Variants in DLC1 observed in about 807,000 individuals in gnomAD.
DLC1 encodes rho GTPase-activating protein 7.
Under a neutral mutation model 140.3 loss-of-function variants are expected in DLC1, and 54 were observed. The observed-to-expected ratio is 0.38, with a 90% CI of 0.31 to 0.48. The LOEUF is 0.48. DLC1 is among the 20% of genes least tolerant of loss of function. The pLI is 0.96. For missense variants in DLC1, 2,536 were observed against 1,907.0 expected, an observed-to-expected ratio of 1.33 and a Z score of -6.14; for synonymous variants, 986 against 728.1, an observed-to-expected ratio of 1.35 and a Z score of -5.70.
intron 1 of DLC1, among the ~76,000 whole-genome samples, chr8:13,546,352 G>A (rs992431550): frequency 6.6e-6 from 1 of 151,934 alleles, no homozygotes; most frequent in East Asian, 1.9e-4. Flanking sequence ...TTTATGAATC[G>A]CAATCTTGAA....
chr8:13,599,326 A>G (rs192702507), intron 1 of DLC1, among the ~76,000 whole-genome samples: 38 of 152,116 alleles, frequency 2.5e-4, no homozygotes, highest in African/African-American at 8.7e-4. Flanking sequence ...GTGCCATAGA[A>G]CAATAATAAA....
intron 2 of DLC1, among the ~76,000 whole-genome samples, chr8:13,468,941 C>T (rs377314238): frequency 4.1e-4 from 62 of 151,500 alleles, no homozygotes; most frequent in African/African-American, 1.5e-3. Context: ...CTGCCTCAGC[C>T]TCCCGAATAG....
At chr8:13,285,482 ATT>A (rs1487461511) in intron 5 of DLC1, among the ~76,000 whole-genome samples, 1 of 152,198 alleles carries the variant, frequency 6.6e-6, no homozygotes, top group Non-Finnish European at 1.5e-5. Context: ...TTCTGACCAC[ATT>A]TTAACAAATG....
chr8:13,161,041 A>C (rs566788958), intron 5 of DLC1, among the ~76,000 whole-genome samples: 1 of 152,342 alleles, frequency 6.6e-6, no homozygotes, highest in South Asian at 2.1e-4. Context: ...AGATCGCGCC[A>C]CTGCTCTCCA....
At chr8:13,088,981 G>C (rs755655713) in intron 15 of DLC1, among the ~76,000 whole-genome samples, 1 of 152,078 alleles carries the variant, frequency 6.6e-6, no homozygotes, top group Admixed American at 6.6e-5. Context: ...CATTTGAGCC[G>C]GGTGCAGTGG....
intron 5 of DLC1, among the ~76,000 whole-genome samples, chr8:13,134,040 A>G (rs1316239815): frequency 6.6e-6 from 1 of 152,198 alleles, no homozygotes; most frequent in East Asian, 1.9e-4. Context: ...AGCTCCTGGA[A>G]CTGCCCTTAG....
intron 5 of DLC1, among the ~76,000 whole-genome samples, chr8:13,155,613 T>C (rs2128981007): frequency 6.6e-6 from 1 of 152,288 alleles, no homozygotes; most frequent in East Asian, 1.9e-4. Flanking sequence ...TTCCCATATA[T>C]TTTAAAGTAA....
At chr8:13,149,218 G>T (rs1381888618) in intron 5 of DLC1, among the ~76,000 whole-genome samples, 1 of 152,072 alleles carries the variant, frequency 6.6e-6, no homozygotes, top group African/African-American at 2.4e-5. Flanking sequence ...TCCTCCATTT[G>T]CCCTTCCTAG....
intron 5 of DLC1, among the ~76,000 whole-genome samples, chr8:13,181,349 A>G (rs1242156163): frequency 9.7e-6 from 1 of 103,434 alleles, no homozygotes; most frequent in Non-Finnish European, 2.1e-5. Flanking sequence ...TTTTTTTTTT[A>G]GTAATACTTT....
chr8:13,345,547 C>CTTTTTTTTTTTTTGTTTTT (rs1834291230), intron 4 of DLC1, among the ~76,000 whole-genome samples: 1 of 67,520 alleles, frequency 1.5e-5, no homozygotes, highest in Non-Finnish European at 2.6e-5. Flanking sequence ...TTCACTCACA[C>CTTTTTTTTTTTTTGTTTTT]TTTTTTTTTT....
chr8:13,431,531 T>C (rs1838871245), intron 2 of DLC1, among the ~76,000 whole-genome samples: 1 of 137,896 alleles, frequency 7.3e-6, no homozygotes, highest in Non-Finnish European at 1.5e-5. Context: ...GAATCAAGCA[T>C]TGATGTCACA....
At chr8:13,263,551 C>G (rs934064999) in intron 5 of DLC1, among the ~76,000 whole-genome samples, 4 of 150,886 alleles carry the variant, frequency 2.7e-5, no homozygotes, top group Non-Finnish European at 3.0e-5. Flanking sequence ...AACTATTCGT[C>G]ATATATTTAT....
At chr8:13,142,513 T>C (rs546210750) in intron 5 of DLC1, among the ~76,000 whole-genome samples, 4 of 152,114 alleles carry the variant, frequency 2.6e-5, no homozygotes, top group Non-Finnish European at 5.9e-5. Flanking sequence ...ATAATAAAAA[T>C]AAAAATCTAG....
intron 5 of DLC1, among the ~76,000 whole-genome samples, chr8:13,242,886 G>A (rs1281849206): frequency 6.6e-6 from 1 of 152,068 alleles, no homozygotes; most frequent in Non-Finnish European, 1.5e-5. Flanking sequence ...GATATGGTTT[G>A]ATGCTGTGTC....
intron 2 of DLC1, among the ~76,000 whole-genome samples, chr8:13,438,495 AT>A (rs1839222411): frequency 6.6e-6 from 1 of 152,108 alleles, no homozygotes; most frequent in East Asian, 1.9e-4. Flanking sequence ...ACTCAGAATA[AT>A]TCAACGCCTT....
At chr8:13,538,011 C>T (rs1432213994) in intron 1 of DLC1, among the ~76,000 whole-genome samples, 1 of 152,168 alleles carries the variant, frequency 6.6e-6, no homozygotes, top group African/African-American at 2.4e-5. Flanking sequence ...AAGCAAATTA[C>T]ATCCATTACT....
intron 3 of DLC1, among the ~76,000 whole-genome samples, 182 bp downstream of exon 3, chr8:13,401,288 A>G (rs1031923579): frequency 2.6e-5 from 4 of 152,244 alleles, no homozygotes; most frequent in African/African-American, 7.2e-5. Context: ...GCCTCTCTGC[A>G]TAGAATTATG....
chr8:13,307,299 A>G (rs1044516744), intron 4 of DLC1, among the ~76,000 whole-genome samples: 1 of 152,110 alleles, frequency 6.6e-6, no homozygotes, highest in African/African-American at 2.4e-5. Flanking sequence ...AGGGCTTCCA[A>G]CAAATGGCAT....
chr8:13,515,954 GAGAAT>G (rs1802572717), upstream of DLC1, among the ~76,000 whole-genome samples: 1 of 152,128 alleles, frequency 6.6e-6, no homozygotes, highest in Non-Finnish European at 1.5e-5. Flanking sequence ...ATCCTCTTTA[GAGAAT>G]GTGGAAGGAA....
Sources: allele counts gnomAD v4.1 joint callset (sites outside exome capture counted in the v4.1 genomes callset), GRCh38; gene constraint gnomAD v4.1.1; transcripts MANE v1.5; gene names NCBI Gene and HGNC (gene_info 2026-07-23, HGNC 2026-07-21).